ANKRD36B: variants seen among roughly 807,000 people sequenced by gnomAD.
The protein encoded by ANKRD36B is ankyrin repeat domain-containing protein 36B.
ANKRD36B carries 37 observed loss-of-function variants against 135.7 expected under a neutral mutation model. That is an observed-to-expected ratio of 0.27 (90% CI 0.21 to 0.36). The LOEUF (loss-of-function observed/expected upper bound fraction) is 0.36, where lower values mean the gene tolerates loss of function less well. Among genes scored for constraint, ANKRD36B ranks in the 10% least tolerant of loss-of-function variants. The pLI is 1.00. For missense variants in ANKRD36B, 549 were observed against 1,037.1 expected (o/e 0.53, Z 6.46); for synonymous variants, 179 against 348.1 (o/e 0.51, Z 5.41).
intron 22 of ANKRD36B, 54 bp downstream of exon 22, chr2:97,547,482 G>A: frequency 6.7e-7 from 1 of 1,499,210 alleles, no homozygotes. Context: ...TCAGGGAAGA[G>A]AATTTCTTAT....
At chr2:97,547,661 T>C (rs1299605775) in intron 21 of ANKRD36B, 42 bp downstream of exon 21, 42 of 1,555,160 alleles carry the variant, frequency 2.7e-5, no homozygotes, top group Admixed American at 1.3e-4. Flanking sequence ...TTTCATAGAC[T>C]ATACATTTAC....
chr2:97,589,530 C>T lies in ANKRD36B; in HGVS notation c.156G>A (p.Lys52=). The change falls in exon 1 of 44, where the codon AAG becomes AAA. Residue 52 remains lysine, a synonymous_variant. Coordinates refer to ENST00000359901, the MANE Select transcript of ANKRD36B (RefSeq NM_001393939.1). ...CGGCTCCCGGCCCCCATTACCTTTC[C>T]TTCCTGTCTCTCTTATTGGCGTCAT... The part of the protein sequence containing the change: ...TYYDANKRDR[K]ERTALHLACA... 1 of 1,589,038 alleles carries T rather than the reference C, an allele frequency of 6.3e-7. No homozygotes were observed. Among genetic ancestry groups the T allele is most frequent in the Non-Finnish European group, 8.6e-7 (1 of 1,166,942 alleles).
intron 6 of ANKRD36B, among the ~76,000 whole-genome samples, chr2:97,569,640 T>A (rs1319061766): frequency 2.0e-5 from 3 of 149,018 alleles, no homozygotes; most frequent in Non-Finnish European, 4.5e-5. Context: ...GGGGGAGCTA[T>A]GAACGTGAGG....
At chr2:97,547,682 T>G (rs780370178) in intron 21 of ANKRD36B, 21 bp downstream of exon 21, 3 of 1,557,306 alleles carry the variant, frequency 1.9e-6, no homozygotes, top group Non-Finnish European at 2.6e-6. Flanking sequence ...TAGTTCACAA[T>G]ATAAATGACA....
At position 97,541,081 on chromosome 2, in the gene ANKRD36B, GTC is replaced by G. The variant is rs1205026618; in HGVS notation, c.1885+828_1885+829del. ...CCACATACTTTTTGTTTCTAAAATA[GTC>G]TTGTTGGGAGTATCATGCTATTCTC... On this transcript the variant is annotated intron_variant, in intron 28 of 43. Transcript: ENST00000359901. Among the ~76,000 whole-genome samples, 4 of 96,574 alleles carry G rather than the reference GTC, an allele frequency of 4.1e-5. 2 individuals are homozygous for G. 63.4% of individuals were successfully genotyped at this position (96,574 alleles called of 152,430 possible). A position where few individuals can be genotyped will look rare whatever the true frequency, so the allele number is the denominator to read the frequency against.
In ANKRD36B at chr2:97,540,610, A is replaced by T. The variant is rs1226690154; in HGVS notation, c.1886-381T>A. Among the ~76,000 whole-genome samples the T allele has an allele frequency of 7.3e-5, 7 of 95,986 alleles. 3 individuals carry two copies. The highest frequency in any genetic ancestry group is 1.9e-4 in the Non-Finnish European group (7 of 35,960). The allele number at this position is 95,986 out of a possible 152,430, so 63.0% of individuals were successfully genotyped here. On this transcript the variant is annotated intron_variant, in intron 28 of 43. Transcript: ENST00000359901. ...CTTGATCCCACAGGTCTTTCATGCAAGAAATCAAAAGGATTTACACCATTA... is the reference window on the plus strand; with the variant it reads ...CTTGATCCCACAGGTCTTTCATGCATGAAATCAAAAGGATTTACACCATTA...
At position 97,536,611 on chromosome 2, in the gene ANKRD36B, G is replaced by A. The variant is rs868589466; in HGVS notation, c.2090-115C>T. On this transcript the variant is annotated intron_variant, in intron 32 of 43. Coordinates refer to ENST00000359901, the MANE Select transcript of ANKRD36B (RefSeq NM_001393939.1). ...TGCCTGTATTAGTGTAGGGTTTCAT[G>A]TTTTTCTAGTTTGTTTCTTTGGGAC... is the stretch of plus-strand genomic sequence containing the variant. 12 of 452,536 alleles carry A rather than the reference G, an allele frequency of 2.7e-5. 2 individuals are homozygous for A. Among genetic ancestry groups the A allele is most frequent in the African/African-American group, 2.4e-4 (11 of 44,976 alleles). 28.0% of individuals were successfully genotyped at this position (452,536 alleles called of 1,614,324 possible). A position where few individuals can be genotyped will look rare whatever the true frequency, so the allele number is the denominator to read the frequency against.
chr2:97,542,983 C>A (rs2079219534), intron 26 of ANKRD36B, among the ~76,000 whole-genome samples: 1 of 148,174 alleles, frequency 6.7e-6, no homozygotes, highest in Non-Finnish European at 1.5e-5. Flanking sequence ...TCATGCTATT[C>A]TCTAAAGAAT....
chr2:97,551,248 T>A lies in ANKRD36B; in HGVS notation c.1375+41A>T, dbSNP rs1195813289. 5.2e-6 allele frequency: 8 copies of A among 1,537,522 alleles called. No individual in the cohort carries two copies. In the Admixed American group the frequency reaches 1.6e-4, roughly 30 times the overall value. Reference sequence around the variant, plus strand: ...TTTATTCGGGGAAGAGAACTTCTTATCTGGACTGAACATGACATTAAATGT... The same window carrying A: ...TTTATTCGGGGAAGAGAACTTCTTAACTGGACTGAACATGACATTAAATGT... On this transcript the variant is annotated intron_variant, in intron 18 of 43. Transcript: ENST00000359901.
At chr2:97,557,058 A>G in intron 11 of ANKRD36B, 46 bp downstream of exon 11, 3 of 1,546,138 alleles carry the variant, frequency 1.9e-6, no homozygotes, top group Non-Finnish European at 2.6e-6. Flanking sequence ...TATATTTCAT[A>G]GGCTATGCAA....
Position 97,536,026 on chromosome 2 carries a change from T to C in ANKRD36B, c.2191+274A>G, listed in dbSNP as rs1157634977. On this transcript the variant is annotated intron_variant, in intron 34 of 43. Coordinates refer to ENST00000359901, the MANE Select transcript of ANKRD36B (RefSeq NM_001393939.1). ...GTTGTGGTGAGCTACAATTGAGCCA[T>C]TGCACTCCAGCCTGGGCAACAAGAG... Among the ~76,000 whole-genome samples the C allele has an allele frequency of 7.5e-5, 7 of 93,934 alleles. 3 individuals are homozygous for C. Among genetic ancestry groups the C allele is most frequent in the Admixed American group, 1.9e-4 (2 of 10,518 alleles). The allele number at this position is 93,934 out of a possible 152,430, so 61.6% of individuals were successfully genotyped here.
intron 28 of ANKRD36B, among the ~76,000 whole-genome samples, chr2:97,541,206 T>TA (rs1400035612): frequency 1.0e-5 from 1 of 96,912 alleles, no homozygotes; most frequent in African/African-American, 3.1e-5. Context: ...TTTTTATAAC[T>TA]AAAATCAACA....
chr2:97,574,896 C>T (rs1199836812), intron 6 of ANKRD36B, among the ~76,000 whole-genome samples: 3 of 152,094 alleles, frequency 2.0e-5, no homozygotes, highest in Non-Finnish European at 2.9e-5. Flanking sequence ...ACCCTGTGCA[C>T]GTAGCTTCTG....
At chr2:97,579,064 T>C in intron 4 of ANKRD36B, 21 bp from the exon 5 acceptor site, 1 of 1,570,700 alleles carries the variant, frequency 6.4e-7, no homozygotes, top group Non-Finnish European at 8.7e-7. Flanking sequence ...AGAGAGGTAA[T>C]TAAAAACTTT....
In ANKRD36B at chr2:97,547,616, G is replaced by T. The variant is rs1372760506; in HGVS notation, c.1507-8C>A. The stretch of plus-strand genomic sequence containing the variant: ...TTTCTCGTCTCTTGTAGCCTGAATG[G>T]AATTTGAAATGAAATAATAAATTAA... On this transcript the variant is annotated splice_region_variant and splice_polypyrimidine_tract_variant and intron_variant, in intron 21 of 43. Transcript: ENST00000359901. The T allele has an allele frequency of 1.3e-6, 2 of 1,571,150 alleles. No homozygotes were observed. Among genetic ancestry groups the T allele is most frequent in the African/African-American group, 1.4e-5 (1 of 73,674 alleles).
Position 97,534,749 on chromosome 2 carries a change from T to C in ANKRD36B, c.2191+1551A>G, listed in dbSNP as rs1350200861. Among the ~76,000 whole-genome samples, 4 of 96,564 alleles carry C rather than the reference T, an allele frequency of 4.1e-5. 1 individual carries two copies. The highest frequency in any genetic ancestry group is 4.7e-4 in the South Asian group (2 of 4,218). 63.3% of individuals were successfully genotyped at this position (96,564 alleles called of 152,430 possible). A position where few individuals can be genotyped will look rare whatever the true frequency, so the allele number is the denominator to read the frequency against. On this transcript the variant is annotated intron_variant, in intron 34 of 43. Coordinates refer to ENST00000359901, the MANE Select transcript of ANKRD36B (RefSeq NM_001393939.1). ...TTGGTGGCATTGTGAATTAGTACAG[T>C]CACTATGGAGAACACTATAGAGTCC...
At position 97,530,910 on chromosome 2, in the gene ANKRD36B, A is replaced by G. The variant is rs370372002; in HGVS notation, c.2265+1401T>C. The stretch of plus-strand genomic sequence containing the variant: ...TCATTAAAAAGTCAGGAAACAACAG[A>G]TGCTGGAGAGGATGTGGAGAAATAG... On this transcript the variant is annotated intron_variant, in intron 35 of 43. Coordinates refer to ENST00000359901, the MANE Select transcript of ANKRD36B (RefSeq NM_001393939.1). Among the ~76,000 whole-genome samples the G allele has an allele frequency of 0.013, 1,224 of 94,892 alleles. 344 individuals are homozygous for G. In the East Asian group the frequency reaches 0.15, roughly 12 times the overall value. The allele number at this position is 94,892 out of a possible 152,430, so 62.3% of individuals were successfully genotyped here.
intron 13 of ANKRD36B, 25 bp from the exon 14 acceptor site, chr2:97,555,157 T>C: frequency 6.2e-7 from 1 of 1,611,490 alleles, no homozygotes; most frequent in Non-Finnish European, 8.5e-7. Flanking sequence ...AAGCAAATTA[T>C]CAATAAAGAA....
chr2:97,558,044 T>A lies in ANKRD36B; in HGVS notation c.967+755A>T, dbSNP rs565144201. Among the ~76,000 whole-genome samples the A allele has an allele frequency of 1.6e-4, 24 of 152,114 alleles. No individual in the cohort carries two copies. In the East Asian group the frequency reaches 4.7e-3, roughly 30 times the overall value. On this transcript the variant is annotated intron_variant, in intron 10 of 43. Transcript: ENST00000359901. ...AGCATTTTCATTAAATTGCTATTTTTATCCAAAAGTTAGCTAATTGAAAAG... is the reference window on the plus strand; with the variant it reads ...AGCATTTTCATTAAATTGCTATTTTAATCCAAAAGTTAGCTAATTGAAAAG...
Sources: gnomAD v4.1 joint callset for allele counts (sites outside exome capture counted in the v4.1 genomes callset) on GRCh38, gnomAD v4.1.1 for gene constraint, MANE v1.5 for transcripts, NCBI Gene and HGNC (gene_info 2026-07-23, HGNC 2026-07-21) for gene names.